Variants in CATSPERB observed in about 807,000 individuals in gnomAD.
CATSPERB encodes cation channel sperm-associated auxiliary subunit beta.
Under a neutral mutation model 128.3 loss-of-function variants are expected in CATSPERB, and 93 were observed. The observed-to-expected ratio is 0.72, with a 90% CI of 0.61 to 0.86. CATSPERB has a LOEUF of 0.86. Among genes scored for constraint, CATSPERB ranks in the 40% least tolerant of loss-of-function variants. The pLI is 0.00. For missense variants in CATSPERB, 1,153 were observed against 1,329.5 expected (o/e 0.87, Z 2.06); for synonymous variants, 381 against 448.8 (o/e 0.85, Z 1.91).
intron 7 of CATSPERB, among the ~76,000 whole-genome samples, chr14:91,696,474 G>A (rs185606354): frequency 6.6e-6 from 1 of 152,294 alleles, no homozygotes; most frequent in Admixed American, 6.5e-5. Flanking sequence ...GTGGCCTTGA[G>A]AAGAAATGTT....
intron 1 of CATSPERB, among the ~76,000 whole-genome samples, chr14:91,730,516 A>T (rs1313095963): frequency 6.6e-6 from 1 of 152,158 alleles, no homozygotes; most frequent in African/African-American, 2.4e-5. Context: ...GAAAACTAAC[A>T]CAGCATCCAT....
intron 15 of CATSPERB, among the ~76,000 whole-genome samples, chr14:91,641,615 T>TGTAGTATAGTTTGAA (rs1287139376): frequency 2.8e-4 from 40 of 143,432 alleles, no homozygotes; most frequent in Non-Finnish European, 5.2e-4. Context: ...ACTGTAGCCT[T>TGTAGTATAGTTTGAA]GTAGTATAGT....
intron 16 of CATSPERB, 57 bp downstream of exon 16, chr14:91,639,039 G>T: frequency 7.1e-7 from 1 of 1,413,084 alleles, no homozygotes; most frequent in Non-Finnish European, 9.9e-7. Context: ...TCTATGTATT[G>T]AATGTGGCAT....
chr14:91,703,057 G>A (rs1426051960), intron 7 of CATSPERB, among the ~76,000 whole-genome samples: 1 of 151,740 alleles, frequency 6.6e-6, no homozygotes, highest in Non-Finnish European at 1.5e-5. Context: ...TATTTGTTCT[G>A]AGTTTTTCTA....
intron 24 of CATSPERB, 52 bp downstream of exon 24, chr14:91,589,482 G>T (rs1893358607): frequency 1.3e-6 from 2 of 1,540,978 alleles, no homozygotes; most frequent in African/African-American, 1.4e-5. Context: ...TTGTAAACCA[G>T]TAACAATATT....
At chr14:91,646,797 G>T (rs1327245334) in intron 15 of CATSPERB, among the ~76,000 whole-genome samples, 2 of 152,206 alleles carry the variant, frequency 1.3e-5, no homozygotes, top group Non-Finnish European at 2.9e-5. Context: ...AGTGGTAGAT[G>T]ACATAGCAAA....
intron 22 of CATSPERB, among the ~76,000 whole-genome samples, chr14:91,599,528 C>T (rs573946293): frequency 4.2e-5 from 6 of 143,518 alleles, no homozygotes; most frequent in African/African-American, 1.6e-4. Context: ...CACTGCACTC[C>T]AGCCTGGGCG....
In CATSPERB at chr14:91,723,203, AG is replaced by A. The variant is rs1222690786; in HGVS notation, c.169-15del. On this transcript the variant is annotated splice_polypyrimidine_tract_variant and intron_variant, in intron 3 of 26. Transcript: ENST00000256343. ...ACACTGGATTTTCTTTAGGAAAGCA[AG>A]AAAAAAAAAAACAACTAATAACCAC... is the stretch of plus-strand genomic sequence containing the variant. 4 of 1,419,120 alleles carry A rather than the reference AG, an allele frequency of 2.8e-6. No homozygotes were observed. Among genetic ancestry groups the A allele is most frequent in the South Asian group, 1.5e-5 (1 of 66,362 alleles). The allele number at this position is 1,419,120 out of a possible 1,614,324, so 87.9% of individuals were successfully genotyped here.
chr14:91,667,224 C>G (rs889463786), intron 14 of CATSPERB, among the ~76,000 whole-genome samples: 2 of 152,212 alleles, frequency 1.3e-5, no homozygotes, highest in Non-Finnish European at 1.5e-5. Context: ...CCATTAAATA[C>G]CACAAGGAAA....
intron 20 of CATSPERB, among the ~76,000 whole-genome samples, chr14:91,617,202 TA>T (rs1170489783): frequency 2.8e-4 from 42 of 152,332 alleles, no homozygotes; most frequent in African/African-American, 1.0e-3. Context: ...TTTAATGTGA[TA>T]TTTGCAAAAA....
At chr14:91,619,555 A>ATTTT (rs1566706232) in intron 19 of CATSPERB, among the ~76,000 whole-genome samples, 68,221 of 143,824 alleles carry the variant, frequency 0.47, 16,801 homozygotes, top group Non-Finnish European at 0.54. Context: ...CTTTTTTTTA[A>ATTTT]AAAAAAAATA....
At chr14:91,635,809 T>C (rs1463577213) in intron 17 of CATSPERB, 4 of 152,250 alleles carry the variant, frequency 2.6e-5, no homozygotes, top group African/African-American at 9.6e-5. Context: ...TGTTGGTCTC[T>C]AGGATATACA....
Position 91,719,467 on chromosome 14 carries a change from C to T in CATSPERB, c.321G>A (p.Arg107=), listed in dbSNP as rs1294976560. ...TAGGAATATCAACCAACCACAAAAT[C>T]CGATCACTGAACTTGAATAAAGAAG... ...FHFNLTLFSD[R]ILWLVDIPRE... The change falls in exon 5 of 27, where the codon CGG becomes CGA. Residue 107 remains arginine (R), a synonymous_variant. Coordinates refer to ENST00000256343, the MANE Select transcript of CATSPERB (RefSeq NM_024764.4). 3.7e-6 allele frequency: 6 copies of T among 1,610,712 alleles called. No individual in the cohort carries two copies. In the East Asian group the frequency reaches 1.3e-4, roughly 36 times the overall value.
At chr14:91,625,083 T>A in intron 17 of CATSPERB, 76 bp from the exon 18 acceptor site, 1 of 879,916 alleles carries the variant, frequency 1.1e-6, no homozygotes, top group Non-Finnish European at 1.7e-6. Context: ...ACAAATAATT[T>A]ACAAAGAAAG....
chr14:91,622,424 C>T (rs557325035), intron 18 of CATSPERB, among the ~76,000 whole-genome samples: 3 of 151,632 alleles, frequency 2.0e-5, no homozygotes, highest in Non-Finnish European at 4.4e-5. Flanking sequence ...TTGGGCAGGA[C>T]CTTAAGGAAC....
Position 91,612,111 on chromosome 14 carries a change from G to A in CATSPERB, c.2401-1434C>T, listed in dbSNP as rs189568508. 5.4e-5 allele frequency among the ~76,000 whole-genome samples: 8 copies of A among 148,686 alleles called. No individual in the cohort carries two copies. The East Asian group carries it at 1.6e-3, about 29-fold the overall frequency. On this transcript the variant is annotated intron_variant, in intron 20 of 26. Transcript: ENST00000256343. The stretch of plus-strand genomic sequence containing the variant: ...ATCGCGCTCTGTCACCCAGGCTGGA[G>A]TACAGTGGCACTATTATAGCTTACT...
At chr14:91,657,395 TAA>T (rs34023185) in intron 15 of CATSPERB, among the ~76,000 whole-genome samples, 2 of 151,354 alleles carry the variant, frequency 1.3e-5, no homozygotes, top group East Asian at 1.9e-4. Flanking sequence ...CTAAAAACTA[TAA>T]AAAAAAACTA....
chr14:91,688,401 C>T (rs1895412358), intron 10 of CATSPERB, among the ~76,000 whole-genome samples: 1 of 152,092 alleles, frequency 6.6e-6, no homozygotes, highest in African/African-American at 2.4e-5. Context: ...GAATATATTC[C>T]TTGGATATGC....
chr14:91,636,332 C>T, intron 17 of CATSPERB, 93 bp downstream of exon 17: 1 of 1,184,568 alleles, frequency 8.4e-7, no homozygotes, highest in South Asian at 1.4e-5. Context: ...TACTGCACTC[C>T]AGCCTGGATG....
Sources: gnomAD v4.1 joint callset for allele counts (sites outside exome capture counted in the v4.1 genomes callset) on GRCh38, gnomAD v4.1.1 for gene constraint, MANE v1.5 for transcripts, NCBI Gene and HGNC (gene_info 2026-07-23, HGNC 2026-07-21) for gene names.